Variants in KLHL28 observed in about 807,000 individuals in gnomAD.
KLHL28 encodes the protein kelch-like protein 28.
Under a neutral mutation model 48.3 loss-of-function variants are expected in KLHL28, and 22 were observed. That is an observed-to-expected ratio of 0.46 (90% CI 0.33 to 0.65). KLHL28 has a LOEUF of 0.65. KLHL28 is among the 30% of genes least tolerant of loss of function. KLHL28 has a pLI of 0.03. For missense variants in KLHL28, 527 were observed against 704.3 expected, an observed-to-expected ratio of 0.75 and a Z score of 2.85; for synonymous variants, 243 against 242.4, an observed-to-expected ratio of 1.00 and a Z score of -0.02.
chr14:44,928,672 G>C lies in KLHL28; in HGVS notation c.*356C>G, dbSNP rs1301570986. 1 of 147,504 alleles carries C rather than the reference G, an allele frequency of 6.8e-6. No homozygotes were observed. Among genetic ancestry groups the C allele is most frequent in the African/African-American group, 2.6e-5 (1 of 38,154 alleles). 9.1% of individuals were successfully genotyped at this position (147,504 alleles called of 1,614,324 possible). A position where few individuals can be genotyped will look rare whatever the true frequency, so the allele number is the denominator to read the frequency against. On this transcript the variant is annotated 3_prime_UTR_variant, in exon 5 of 5. Transcript: ENST00000396128. Reference sequence around the variant, plus strand: ...CTAGAAAATCATGGTTATCAGGGAAGGAGAGCTAAAATAAAAAAAAAAAAA... The same window carrying C: ...CTAGAAAATCATGGTTATCAGGGAACGAGAGCTAAAATAAAAAAAAAAAAA...
In KLHL28 at chr14:44,945,613, C is replaced by G; in HGVS notation, c.316G>C (p.Glu106Gln). 6.2e-7 allele frequency: 1 copy of G among 1,614,128 alleles called. No homozygotes were observed. The highest frequency in any genetic ancestry group is 1.1e-5 in the South Asian group (1 of 91,066). ...AGGTTTGCTGCTGGCAGGAGAGATTCAACTGTGTCCTGAGAAATAAAAACA... is the reference window on the plus strand; with the variant it reads ...AGGTTTGCTGCTGGCAGGAGAGATTGAACTGTGTCCTGAGAAATAAAAACA... ...GTVFISQDTV[E>Q]SLLPAANLLQ... The change falls in exon 2 of 5, where the codon GAA (glutamate) becomes CAA (glutamine). Residue 106 changes from glutamate to glutamine, a missense_variant. Glu to Gln is a conservative substitution (Grantham distance 29). Coordinates refer to ENST00000396128, the MANE Select transcript of KLHL28 (RefSeq NM_017658.5).
At position 44,945,880 on chromosome 14, in the gene KLHL28, G is replaced by A; in HGVS notation, c.49C>T (p.His17Tyr). The A allele has an allele frequency of 6.2e-7, 1 of 1,614,090 alleles. No homozygotes were observed. Residue 17 changes from histidine to tyrosine, a missense_variant, in exon 2 of 5, where the codon CAT (histidine) becomes TAT (tyrosine). Transcript: ENST00000396128. ...TYMLANLTHLHSEQLLQGLNL... is the reference protein window; with the variant it reads ...TYMLANLTHLYSEQLLQGLNL... ...AAGCCCTGCAGAAGTTGTTCAGAAT[G>A]CAAGTGGGTTAAGTTAGCAAGCATG...
chr14:44,945,006 C>T (rs780914256), intron 2 of KLHL28, 24 bp downstream of exon 2: 13 of 1,471,276 alleles, frequency 8.8e-6, no homozygotes, highest in Non-Finnish European at 2.8e-6. Context: ...TAGCATCATT[C>T]ATTTAGGAAA....
chr14:44,951,353 G>A (rs752229133), intron 1 of KLHL28, among the ~76,000 whole-genome samples: 1 of 152,206 alleles, frequency 6.6e-6, no homozygotes, highest in Non-Finnish European at 1.5e-5. Context: ...CGGATAAGCT[G>A]CAGTCCTGAG....
At chr14:44,943,962 G>C (rs1884215931) in intron 2 of KLHL28, among the ~76,000 whole-genome samples, 1 of 152,102 alleles carries the variant, frequency 6.6e-6, no homozygotes, top group African/African-American at 2.4e-5. Flanking sequence ...TGATCCTCCT[G>C]TGTTGGCCTC....
intron 1 of KLHL28, among the ~76,000 whole-genome samples, chr14:44,946,925 A>G (rs1884362073): frequency 6.6e-6 from 1 of 152,196 alleles, no homozygotes; most frequent in South Asian, 2.1e-4. Flanking sequence ...CTGGAAGATG[A>G]AAAAGAATAA....
At chr14:44,961,607 A>G in intron 1 of KLHL28, 1 of 152,330 alleles carries the variant, frequency 6.6e-6, no homozygotes, top group Non-Finnish European at 1.5e-5. Context: ...CCGATTTGTG[A>G]GCTTGGCCGT....
At chr14:44,953,609 T>C (rs2138660867) in intron 1 of KLHL28, 1 of 152,494 alleles carries the variant, frequency 6.6e-6, no homozygotes, top group East Asian at 1.9e-4. Context: ...CTTGGGACTC[T>C]GCAGAGTTCT....
intron 1 of KLHL28, 92 bp from the exon 2 acceptor site, chr14:44,946,020 A>G (rs7492473): frequency 2.0e-6 from 2 of 1,020,334 alleles, no homozygotes; most frequent in Admixed American, 2.5e-5. Context: ...TCAGATTTGT[A>G]ATTTATTTGT....
intron 3 of KLHL28, among the ~76,000 whole-genome samples, chr14:44,933,752 A>G (rs116023250): frequency 0.011 from 1,624 of 152,310 alleles, 35 homozygotes; most frequent in African/African-American, 0.037. Flanking sequence ...ACAGGAATTA[A>G]ATTTCTACTT....
rs115545244 is a variant in KLHL28 at position 44,951,557 on chromosome 14, C to G, written c.1-5629G>C. Among the ~76,000 whole-genome samples the G allele has an allele frequency of 6.6e-3, 1,011 of 152,306 alleles. 10 individuals are homozygous for G. Among genetic ancestry groups the G allele is most frequent in the African/African-American group, 0.024 (977 of 41,568 alleles). ...TCTATTCATTTGAACCAGCATGGTT[C>G]ATTTTACTCCATAATAATAGAAATT... On this transcript the variant is annotated intron_variant, in intron 1 of 4. Coordinates refer to ENST00000396128, the MANE Select transcript of KLHL28 (RefSeq NM_017658.5).
chr14:44,945,451 T>C lies in KLHL28; in HGVS notation c.478A>G (p.Ile160Val). Reference sequence around the variant, plus strand: ...CAAACAGCTTCAAAATTCTGGCATATGTATTTAGTGGCTGCCAAATAAAGG... The same window carrying C: ...CAAACAGCTTCAAAATTCTGGCATACGTATTTAGTGGCTGCCAAATAAAGG... ...RDLYLAATKYICQNFEAVCQT... is the reference protein window; with the variant it reads ...RDLYLAATKYVCQNFEAVCQT... Residue 160 changes from isoleucine (I) to valine (V), a missense_variant, in exon 2 of 5, where the codon ATA (isoleucine) becomes GTA (valine). Transcript: ENST00000396128. 2.5e-6 allele frequency: 4 copies of C among 1,614,216 alleles called. No homozygotes were observed. The highest frequency in any genetic ancestry group is 2.7e-5 in the African/African-American group (2 of 75,062).
chr14:44,931,885 G>A (rs1883602887), intron 3 of KLHL28, among the ~76,000 whole-genome samples: 1 of 151,990 alleles, frequency 6.6e-6, no homozygotes, highest in East Asian at 1.9e-4. Flanking sequence ...GTGTAATCCT[G>A]AATAAGTCAT....
rs780054236 is a variant in KLHL28 at position 44,934,477 on chromosome 14, G to A, written c.981C>T (p.Cys327=). 5.0e-6 allele frequency: 8 copies of A among 1,613,776 alleles called. No homozygotes were observed. The Admixed American group carries it at 6.7e-5, about 13-fold the overall frequency. Residue 327 remains cysteine, a synonymous_variant, in exon 3 of 5, where the codon TGC becomes TGT. Transcript: ENST00000396128. ...LNIPRYEFGI[C]VLDQKVYVIG... ...TAACATATACTTTTTGGTCTAAAAC[G>A]CATATTCCAAATTCATAGCGAGGAA... is the stretch of plus-strand genomic sequence containing the variant.
chr14:44,936,812 G>C (rs934472553), intron 2 of KLHL28, among the ~76,000 whole-genome samples: 1 of 152,178 alleles, frequency 6.6e-6, no homozygotes, highest in African/African-American at 2.4e-5. Flanking sequence ...GATGTTTCTC[G>C]AATCTAAGCT....
chr14:44,958,018 G>C (rs1884864509), intron 1 of KLHL28, among the ~76,000 whole-genome samples: 1 of 149,608 alleles, frequency 6.7e-6, no homozygotes, highest in Non-Finnish European at 1.5e-5. Context: ...TCCAGTATTT[G>C]CCTAAAAGCA....
chr14:44,935,618 T>G (rs1335004173), intron 2 of KLHL28, among the ~76,000 whole-genome samples: 1 of 151,694 alleles, frequency 6.6e-6, no homozygotes, highest in East Asian at 1.9e-4. Context: ...TTAAAACGTG[T>G]AAAACCTAAC....
chr14:44,935,338 C>T (rs1883763019), intron 2 of KLHL28, among the ~76,000 whole-genome samples: 1 of 152,126 alleles, frequency 6.6e-6, no homozygotes, highest in Admixed American at 6.6e-5. Flanking sequence ...GAGTGTTGGT[C>T]ATACTCTGTT....
At position 44,928,612 on chromosome 14, in the gene KLHL28, T is replaced by G. The variant is rs996321844; in HGVS notation, c.*416A>C. On this transcript the variant is annotated 3_prime_UTR_variant, in exon 5 of 5. Coordinates refer to ENST00000396128, the MANE Select transcript of KLHL28 (RefSeq NM_017658.5). ...GCAGTATCAGCACTCTGTCCATTCA[T>G]TCAATACACTCCAGCACCTAAAGCA... 6.6e-6 allele frequency: 1 copy of G among 151,914 alleles called. No individual in the cohort carries two copies. Among genetic ancestry groups the G allele is most frequent in the East Asian group, 1.9e-4 (1 of 5,154 alleles). The allele number at this position is 151,914 out of a possible 1,614,324, so 9.4% of individuals were successfully genotyped here.
Sources: allele counts gnomAD v4.1 joint callset (sites outside exome capture counted in the v4.1 genomes callset), GRCh38; gene constraint gnomAD v4.1.1; transcripts MANE v1.5; gene names NCBI Gene and HGNC (gene_info 2026-07-23, HGNC 2026-07-21).